The following YAP1 variants were observed in gnomAD, a reference collection of about 807,000 sequenced individuals.
YAP1 encodes the protein transcriptional coactivator YAP1.
A neutral mutation model predicts 56.9 loss-of-function variants in YAP1; 5 were observed. That is an observed-to-expected ratio of 0.09 (90% CI 0.05 to 0.18). The LOEUF is 0.18. YAP1 is among the 10% of genes least tolerant of loss of function. The pLI is 1.00. For missense variants in YAP1, 539 were observed against 651.8 expected (o/e 0.83, Z 1.88); for synonymous variants, 265 against 248.1 (o/e 1.07, Z -0.64).
chr11:102,157,949 G>A (rs1426542119), intron 2 of YAP1, among the ~76,000 whole-genome samples: 1 of 152,058 alleles, frequency 6.6e-6, no homozygotes, highest in African/African-American at 2.4e-5. Flanking sequence ...TTCTAATTAT[G>A]GTATTTGGAG....
intron 4 of YAP1, among the ~76,000 whole-genome samples, chr11:102,200,891 A>T (rs935677272): frequency 6.6e-6 from 1 of 152,156 alleles, no homozygotes; most frequent in African/African-American, 2.4e-5. Flanking sequence ...CTGAGATACT[A>T]CTCATCTTTC....
chr11:102,222,149 C>T (rs1163194170), intron 6 of YAP1, among the ~76,000 whole-genome samples: 1 of 152,106 alleles, frequency 6.6e-6, no homozygotes, highest in Non-Finnish European at 1.5e-5. Context: ...CTTCAGGACC[C>T]CATGGCGATT....
In YAP1 at chr11:102,151,787, A is replaced by C. The variant is rs1022883271; in HGVS notation, c.573-10669A>C. On this transcript the variant is annotated intron_variant, in intron 2 of 8. Transcript: ENST00000282441. ...AGAGGGTTGGGATTGTGGAGAGAGA[A>C]GCTGATTGACAGGAGACTTGAGTTC... Among the ~76,000 whole-genome samples, 5 of 152,280 alleles carry C rather than the reference A, an allele frequency of 3.3e-5. No homozygotes were observed. In the East Asian group the frequency reaches 5.8e-4, roughly 18 times the overall value.
chr11:102,214,708 G>C (rs1949576018), intron 6 of YAP1, among the ~76,000 whole-genome samples: 1 of 152,084 alleles, frequency 6.6e-6, no homozygotes, highest in South Asian at 2.1e-4. Flanking sequence ...TTATATAAGA[G>C]GGAAGATTTA....
chr11:102,160,443 G>A (rs971795699), intron 2 of YAP1, among the ~76,000 whole-genome samples: 15 of 152,142 alleles, frequency 9.9e-5, no homozygotes, highest in Admixed American at 8.5e-4. Flanking sequence ...TGAACATTGT[G>A]TATTATGTAT....
At chr11:102,215,462 A>G (rs1054123170) in intron 6 of YAP1, among the ~76,000 whole-genome samples, 3 of 152,114 alleles carry the variant, frequency 2.0e-5, no homozygotes, top group Non-Finnish European at 2.9e-5. Context: ...TAGCTCCCCA[A>G]ATCATTAATT....
At chr11:102,211,993 G>A (rs1312424236) in intron 6 of YAP1, among the ~76,000 whole-genome samples, 2 of 152,078 alleles carry the variant, frequency 1.3e-5, no homozygotes, top group African/African-American at 4.8e-5. Context: ...GTGAGCCACC[G>A]CGCCCAGCCA....
intron 3 of YAP1, among the ~76,000 whole-genome samples, chr11:102,175,762 A>G (rs1282537763): frequency 6.6e-6 from 1 of 152,238 alleles, no homozygotes; most frequent in Non-Finnish European, 1.5e-5. Context: ...ATATATCTAA[A>G]CATAGAAGAG....
chr11:102,174,637 G>T lies in YAP1; in HGVS notation c.689-11381G>T, dbSNP rs180748344. Among the ~76,000 whole-genome samples, 108 of 152,066 alleles carry T rather than the reference G, an allele frequency of 7.1e-4. 1 individual carries two copies. The highest frequency in any genetic ancestry group is 3.4e-3 in the Middle Eastern group (1 of 294). On this transcript the variant is annotated intron_variant, in intron 3 of 8. Coordinates refer to ENST00000282441, the MANE Select transcript of YAP1 (RefSeq NM_001130145.3). Reference sequence around the variant, plus strand: ...GCACAAAACAAGTCTCTGAGAGATTGCAACTTCACAAAGACCGATCATACT... The same window carrying T: ...GCACAAAACAAGTCTCTGAGAGATTTCAACTTCACAAAGACCGATCATACT...
intron 3 of YAP1, among the ~76,000 whole-genome samples, chr11:102,178,047 T>C (rs1947367664): frequency 6.6e-6 from 1 of 152,166 alleles, no homozygotes; most frequent in Non-Finnish European, 1.5e-5. Context: ...TAACTTTTCT[T>C]TGCCTTAGAT....
chr11:102,197,936 G>T (rs1948654195), intron 4 of YAP1, among the ~76,000 whole-genome samples: 1 of 152,136 alleles, frequency 6.6e-6, no homozygotes, highest in African/African-American at 2.4e-5. Flanking sequence ...TCTGTGCTTT[G>T]TTGAAAGACT....
intron 7 of YAP1, among the ~76,000 whole-genome samples, chr11:102,225,425 C>T (rs1329974651): frequency 1.3e-5 from 2 of 152,122 alleles, no homozygotes; most frequent in African/African-American, 2.4e-5. Context: ...GCAGAGGTTG[C>T]GGTGAGCCGA....
chr11:102,155,743 G>A lies in YAP1; in HGVS notation c.573-6713G>A, dbSNP rs551401626. On this transcript the variant is annotated intron_variant, in intron 2 of 8. Transcript: ENST00000282441. The stretch of plus-strand genomic sequence containing the variant: ...TGTTGTAATAATATTTTGGGTGGCC[G>A]AAGCCCTGTTATGTTGTTAACAGTT... Among the ~76,000 whole-genome samples the A allele has an allele frequency of 7.9e-5, 12 of 152,230 alleles. No homozygotes were observed. The South Asian group carries it at 1.2e-3, about 16-fold the overall frequency.
At chr11:102,112,679 G>A (rs758576922) in intron 1 of YAP1, 10 of 985,006 alleles carry the variant, frequency 1.0e-5, no homozygotes, top group Non-Finnish European at 9.6e-6. Flanking sequence ...ACAAAAACCC[G>A]GGTTAAGGAG....
At chr11:102,193,491 T>C (rs1327929680) in intron 4 of YAP1, among the ~76,000 whole-genome samples, 4 of 152,180 alleles carry the variant, frequency 2.6e-5, no homozygotes. Flanking sequence ...AGGGAAAATA[T>C]CCAGTAAGGT....
chr11:102,134,477 TTATA>T (rs892357037), intron 2 of YAP1, among the ~76,000 whole-genome samples: 2 of 147,930 alleles, frequency 1.4e-5, no homozygotes, highest in African/African-American at 2.5e-5. Context: ...CTATGAAAAA[TTATA>T]TATATTTATT....
intron 4 of YAP1, 63 bp from the exon 5 acceptor site, chr11:102,205,830 A>C: frequency 2.8e-6 from 4 of 1,420,892 alleles, no homozygotes; most frequent in Non-Finnish European, 3.7e-6. Flanking sequence ...GAATAATTAA[A>C]TCATCATTTT....
intron 8 of YAP1, among the ~76,000 whole-genome samples, chr11:102,227,871 C>T (rs897216448): frequency 6.6e-6 from 1 of 151,794 alleles, no homozygotes; most frequent in Non-Finnish European, 1.5e-5. Context: ...GAGTTCAAGA[C>T]CAGTCTGGGC....
chr11:102,219,575 T>A (rs1399347926), intron 6 of YAP1, among the ~76,000 whole-genome samples: 1 of 151,982 alleles, frequency 6.6e-6, no homozygotes, highest in Non-Finnish European at 1.5e-5. Context: ...CTTTGTAAGA[T>A]GAGCATGGGA....
Sources: allele counts gnomAD v4.1 joint callset (sites outside exome capture counted in the v4.1 genomes callset), GRCh38; gene constraint gnomAD v4.1.1; transcripts MANE v1.5; gene names NCBI Gene and HGNC (gene_info 2026-07-23, HGNC 2026-07-21).